Variants in FMN2 observed in about 807,000 individuals in gnomAD.
FMN2 encodes formin-2.
Under a neutral mutation model 142.3 loss-of-function variants are expected in FMN2, and 51 were observed. That is an observed-to-expected ratio of 0.36 (90% CI 0.29 to 0.45). The LOEUF (loss-of-function observed/expected upper bound fraction) is 0.45, where lower values mean the gene tolerates loss of function less well. Among genes scored for constraint, FMN2 ranks in the 20% least tolerant of loss-of-function variants. FMN2 has a pLI of 1.00. For missense variants in FMN2, 1,936 were observed against 2,122.8 expected (o/e 0.91, Z 1.73); for synonymous variants, 882 against 869.8 (o/e 1.01, Z -0.25).
At chr1:240,121,381 A>ATTTTTTT (rs149431338) in intron 1 of FMN2, among the ~76,000 whole-genome samples, 1 of 141,012 alleles carries the variant, frequency 7.1e-6, no homozygotes, top group African/African-American at 2.6e-5. Flanking sequence ...TTTTATTTTT[A>ATTTTTTT]TTTTTTTTTT....
At chr1:240,371,789 T>C (rs1168885205) in intron 14 of FMN2, among the ~76,000 whole-genome samples, 1 of 152,194 alleles carries the variant, frequency 6.6e-6, no homozygotes, top group Non-Finnish European at 1.5e-5. Context: ...AGTGTGTTTG[T>C]TGTACGTTGT....
intron 15 of FMN2, among the ~76,000 whole-genome samples, chr1:240,393,958 C>T (rs985315282): frequency 2.6e-5 from 4 of 152,038 alleles, no homozygotes; most frequent in Admixed American, 6.5e-5. Context: ...GTGCTGCAGC[C>T]GAGGCGATGG....
At chr1:240,418,705 C>T (rs1243631438) in intron 15 of FMN2, among the ~76,000 whole-genome samples, 1 of 151,784 alleles carries the variant, frequency 6.6e-6, no homozygotes. Context: ...ACACAGTGTT[C>T]CAGTGTTGGA....
chr1:240,458,592 A>G (rs886719595), intron 16 of FMN2: 1 of 152,220 alleles, frequency 6.6e-6, no homozygotes, highest in Non-Finnish European at 1.5e-5. Context: ...TGGCTTTAAT[A>G]AAAAACTTTT....
chr1:240,394,924 C>T (rs548415527), intron 15 of FMN2, among the ~76,000 whole-genome samples: 24 of 152,130 alleles, frequency 1.6e-4, no homozygotes, highest in South Asian at 2.1e-4. Context: ...GCTGAGATCG[C>T]GCCACTGCAC....
chr1:240,316,917 C>T (rs571485817), intron 8 of FMN2, among the ~76,000 whole-genome samples: 1 of 152,192 alleles, frequency 6.6e-6, no homozygotes, highest in Admixed American at 6.5e-5. Flanking sequence ...ATTTTGCATG[C>T]ACTCCTACTG....
chr1:240,438,105 G>A lies in FMN2; in HGVS notation c.4955G>A (p.Gly1652Glu). ...TATTTCTTCATGAAACCAAAACTTG[G>A]AGAGAAGGAGGTGTCCCCAAATGCT... ...TAYFFMKPKL[G>E]EKEVSPNAFF... is the part of the protein sequence containing the mutation. The change falls in exon 16 of 18, where the codon GGA (glycine) becomes GAA (glutamate). Residue 1652 changes from glycine (G) to glutamate (E), a missense_variant. Gly to Glu is a moderately conservative substitution (Grantham distance 98). This residue lies in a region of FMN2 where 322 missense variants were observed against 401.6 expected (regional missense o/e 0.80). Coordinates refer to ENST00000319653, the MANE Select transcript of FMN2 (RefSeq NM_020066.5). 6.2e-7 allele frequency: 1 copy of A among 1,614,076 alleles called. No homozygotes were observed. Among genetic ancestry groups the A allele is most frequent in the Non-Finnish European group, 8.5e-7 (1 of 1,179,990 alleles).
intron 2 of FMN2, chr1:240,144,247 C>T: frequency 6.3e-7 from 1 of 1,589,658 alleles, no homozygotes. Context: ...CAAAGCCACT[C>T]ACAAAAGAGG....
At chr1:240,233,104 G>A (rs377553678) in intron 6 of FMN2, among the ~76,000 whole-genome samples, 3 of 152,194 alleles carry the variant, frequency 2.0e-5, no homozygotes, top group Admixed American at 1.3e-4. Flanking sequence ...ATGATGGCCG[G>A]GCTTGGTGGC....
At chr1:240,127,518 C>T (rs1473486774) in intron 2 of FMN2, among the ~76,000 whole-genome samples, 1 of 151,950 alleles carries the variant, frequency 6.6e-6, no homozygotes, top group African/African-American at 2.4e-5. Context: ...TGCTCTGTTG[C>T]CCAGGTTGGA....
At chr1:240,457,723 A>G (rs1487724659) in intron 16 of FMN2, 1 of 152,264 alleles carries the variant, frequency 6.6e-6, no homozygotes, top group African/African-American at 2.4e-5. Flanking sequence ...GAAGCATCGC[A>G]TGCAAAGCTC....
chr1:240,355,943 C>A (rs1281534947), intron 14 of FMN2, 35 bp downstream of exon 14: 5 of 358,650 alleles, frequency 1.4e-5, no homozygotes, highest in South Asian at 6.2e-5. Context: ...GTTTTTCTCC[C>A]CTTTCAGCAA....
At chr1:240,391,684 A>C (rs1015554655) in intron 14 of FMN2, among the ~76,000 whole-genome samples, 1 of 152,160 alleles carries the variant, frequency 6.6e-6, no homozygotes, top group Non-Finnish European at 1.5e-5. Flanking sequence ...AATCTGATAG[A>C]TAGGCTAAAA....
At chr1:240,210,370 C>G (rs1459357404) in intron 5 of FMN2, among the ~76,000 whole-genome samples, 1 of 152,124 alleles carries the variant, frequency 6.6e-6, no homozygotes, top group African/African-American at 2.4e-5. Context: ...GGGTATTTGC[C>G]AGGTTCGTTT....
intron 6 of FMN2, among the ~76,000 whole-genome samples, chr1:240,231,348 G>A (rs900178708): frequency 3.0e-5 from 4 of 131,404 alleles, no homozygotes; most frequent in Non-Finnish European, 4.8e-5. Context: ...AACAAAGCTT[G>A]ACTGTATTAA....
intron 1 of FMN2, among the ~76,000 whole-genome samples, chr1:240,121,427 G>A (rs1662241953): frequency 2.7e-5 from 4 of 149,720 alleles, no homozygotes; most frequent in Admixed American, 2.7e-4. Context: ...CTAGGCTGGA[G>A]TGCAGTGGCG....
At chr1:240,284,665 TA>T in intron 7 of FMN2, among the ~76,000 whole-genome samples, 1 of 152,280 alleles carries the variant, frequency 6.6e-6, no homozygotes, top group South Asian at 2.1e-4. Flanking sequence ...TGAAGGATTA[TA>T]AAAGAAAGGC....
At chr1:240,218,924 G>T (rs1377964071) in intron 6 of FMN2, among the ~76,000 whole-genome samples, 2 of 152,142 alleles carry the variant, frequency 1.3e-5, no homozygotes, top group Non-Finnish European at 2.9e-5. Context: ...CAAACTGTGG[G>T]TGGTCAGAAG....
chr1:240,118,910 A>G, intron 1 of FMN2, among the ~76,000 whole-genome samples: 1 of 152,194 alleles, frequency 6.6e-6, no homozygotes, highest in East Asian at 1.9e-4. Context: ...AGTAGGGTCT[A>G]GCCAGTGGCA....
Sources: gnomAD v4.1 joint callset for allele counts (sites outside exome capture counted in the v4.1 genomes callset) on GRCh38, gnomAD v4.1.1 for gene constraint, gnomAD v4.1.1 regional missense constraint, MANE v1.5 for transcripts, NCBI Gene and HGNC (gene_info 2026-07-23, HGNC 2026-07-21) for gene names.